The following SLC30A9 variants were observed in gnomAD, a reference collection of about 807,000 sequenced individuals.
The protein encoded by SLC30A9 is proton-coupled zinc antiporter SLC30A9, mitochondrial.
A neutral mutation model predicts 87.5 loss-of-function variants in SLC30A9; 58 were observed. That is an observed-to-expected ratio of 0.66 (90% confidence interval 0.54 to 0.82). The LOEUF (loss-of-function observed/expected upper bound fraction) is 0.82, where lower values mean the gene tolerates loss of function less well. Among genes scored for constraint, SLC30A9 ranks in the 40% least tolerant of loss-of-function variants. SLC30A9 has a pLI of 0.00. For missense variants in SLC30A9, 557 were observed against 679.1 expected (o/e 0.82, Z 2.00); for synonymous variants, 234 against 233.0 (o/e 1.00, Z -0.04).
In SLC30A9 at chr4:42,026,265, T is replaced by C. The variant is rs115713622; in HGVS notation, c.610+2881T>C. 6.3e-3 allele frequency among the ~76,000 whole-genome samples: 961 copies of C among 152,326 alleles called. 4 individuals are homozygous for C. Among genetic ancestry groups the C allele is most frequent in the African/African-American group, 0.012 (517 of 41,570 alleles). On this transcript the variant is annotated intron_variant, in intron 6 of 17. Transcript: ENST00000264451. Reference sequence around the variant, plus strand: ...TGTACTATTCAGTTAATGGTTTCCATTGAGTTTCTTTATAGGTAATACAGG... The same window carrying C: ...TGTACTATTCAGTTAATGGTTTCCACTGAGTTTCTTTATAGGTAATACAGG...
At chr4:42,073,619 A>G (rs1718405012) in intron 15 of SLC30A9, among the ~76,000 whole-genome samples, 1 of 152,180 alleles carries the variant, frequency 6.6e-6, no homozygotes, top group African/African-American at 2.4e-5. Context: ...GACTGGGATT[A>G]TAGTCATCTC....
At chr4:42,002,784 T>C (rs891189001) in intron 2 of SLC30A9, among the ~76,000 whole-genome samples, 2 of 152,094 alleles carry the variant, frequency 1.3e-5, no homozygotes, top group African/African-American at 2.4e-5. Flanking sequence ...CTTTTTGATA[T>C]ACACTCCCTG....
intron 6 of SLC30A9, among the ~76,000 whole-genome samples, chr4:42,023,783 C>A (rs1472702567): frequency 2.0e-5 from 3 of 152,172 alleles, no homozygotes; most frequent in Non-Finnish European, 4.4e-5. Flanking sequence ...TTAACTGACT[C>A]ACAGTTCCGC....
At chr4:42,004,398 C>T (rs1402829327) in intron 2 of SLC30A9, among the ~76,000 whole-genome samples, 1 of 152,090 alleles carries the variant, frequency 6.6e-6, no homozygotes, top group Non-Finnish European at 1.5e-5. Flanking sequence ...CTTATTATCC[C>T]TTCATATATT....
chr4:42,014,312 G>A (rs1215067433), intron 2 of SLC30A9, among the ~76,000 whole-genome samples: 1 of 152,136 alleles, frequency 6.6e-6, no homozygotes, highest in Non-Finnish European at 1.5e-5. Flanking sequence ...CTACTATGAA[G>A]AACAATTTGG....
intron 9 of SLC30A9, among the ~76,000 whole-genome samples, chr4:42,052,334 T>G (rs919278075): frequency 1.3e-5 from 2 of 152,216 alleles, no homozygotes; most frequent in African/African-American, 2.4e-5. Context: ...CAAATCTCCC[T>G]AAATTGATTT....
At chr4:42,058,704 GAA>G (rs1313345212) in intron 9 of SLC30A9, among the ~76,000 whole-genome samples, 3 of 152,212 alleles carry the variant, frequency 2.0e-5, no homozygotes, top group African/African-American at 7.2e-5. Flanking sequence ...CAACACAAGA[GAA>G]GAGAGCTTGT....
rs138370753 is a variant in SLC30A9 at position 42,077,353 on chromosome 4, T to C, written c.1549-859T>C. Among the ~76,000 whole-genome samples the C allele has an allele frequency of 3.2e-3, 490 of 152,334 alleles. 1 individual carries two copies. Among genetic ancestry groups the C allele is most frequent in the African/African-American group, 0.011 (469 of 41,576 alleles). On this transcript the variant is annotated intron_variant, in intron 16 of 17. Coordinates refer to ENST00000264451, the MANE Select transcript of SLC30A9 (RefSeq NM_006345.4). ...ACATTGCTCCCTGATTTTTCATGTTTTAAGTTCATTTGCATTACACTTATA... is the reference window on the plus strand; with the variant it reads ...ACATTGCTCCCTGATTTTTCATGTTCTAAGTTCATTTGCATTACACTTATA...
At chr4:42,029,863 A>C in intron 6 of SLC30A9, 1 of 713,574 alleles carries the variant, frequency 1.4e-6, no homozygotes, top group Non-Finnish European at 2.6e-6. Flanking sequence ...ACTGGCTAGC[A>C]AGATGAAGAT....
At position 42,001,682 on chromosome 4, in the gene SLC30A9, G is replaced by A; in HGVS notation, c.176G>A (p.Gly59Asp). 1 of 1,608,270 alleles carries A rather than the reference G, an allele frequency of 6.2e-7. No homozygotes were observed. The highest frequency in any genetic ancestry group is 8.5e-7 in the Non-Finnish European group (1 of 1,175,208). The change falls in exon 2 of 18, where the codon GGT becomes GAT. Residue 59 changes from glycine to aspartate, a missense_variant. Transcript: ENST00000264451. Reference sequence around the variant, plus strand: ...GTTCCCTGTAGTCATCCATATATTGGTACCCTGAGTCAAGTAAAGTTGTAC... The same window carrying A: ...GTTCCCTGTAGTCATCCATATATTGATACCCTGAGTCAAGTAAAGTTGTAC... ...NMVPCSHPYI[G>D]TLSQVKLYST...
At chr4:42,072,306 C>T (rs982558206) in intron 15 of SLC30A9, among the ~76,000 whole-genome samples, 11 of 151,678 alleles carry the variant, frequency 7.3e-5, no homozygotes, top group Non-Finnish European at 1.3e-4. Flanking sequence ...TTTCCTTCTG[C>T]GTGCTTTCAG....
At chr4:42,059,316 G>A (rs1379856517) in intron 9 of SLC30A9, among the ~76,000 whole-genome samples, 1 of 152,158 alleles carries the variant, frequency 6.6e-6, no homozygotes, top group South Asian at 2.1e-4. Context: ...GTCTTATGAT[G>A]TGATTTCTAG....
chr4:42,045,078 T>G (rs186040504), intron 8 of SLC30A9, among the ~76,000 whole-genome samples: 53 of 152,224 alleles, frequency 3.5e-4, no homozygotes, highest in Middle Eastern at 6.8e-3. Flanking sequence ...AGAGGGAAAT[T>G]TATAGCACTA....
At position 42,090,148 on chromosome 4, in the gene SLC30A9, T is replaced by C. The variant is rs1178106420; in HGVS notation, c.*4022T>C. Reference sequence around the variant, plus strand: ...TTCTTTTAAATGTGATGAACCCCAATTTGCCAAACTGTCAGAAGTCAGTGA... The same window carrying C: ...TTCTTTTAAATGTGATGAACCCCAACTTGCCAAACTGTCAGAAGTCAGTGA... On this transcript the variant is annotated 3_prime_UTR_variant, in exon 18 of 18. Coordinates refer to ENST00000264451, the MANE Select transcript of SLC30A9 (RefSeq NM_006345.4). 1 of 152,204 alleles carries C rather than the reference T, an allele frequency of 6.6e-6. No homozygotes were observed. The highest frequency in any genetic ancestry group is 1.5e-5 in the Non-Finnish European group (1 of 68,022). The allele number at this position is 152,204 out of a possible 1,614,324, so 9.4% of individuals were successfully genotyped here. A position where few individuals can be genotyped will look rare whatever the true frequency, so the allele number is the denominator to read the frequency against.
intron 8 of SLC30A9, among the ~76,000 whole-genome samples, chr4:42,041,366 C>T (rs1304597305): frequency 6.6e-6 from 1 of 152,034 alleles, no homozygotes; most frequent in African/African-American, 2.4e-5. Flanking sequence ...CTCACTGCAA[C>T]CTCCGCCTCC....
intron 1 of SLC30A9, among the ~76,000 whole-genome samples, chr4:41,997,920 C>T (rs1714790729): frequency 6.6e-6 from 1 of 152,214 alleles, no homozygotes; most frequent in Non-Finnish European, 1.5e-5. Context: ...AGGCTGCAAG[C>T]TTGACTCTGG....
At chr4:42,028,313 G>A (rs1716275062) in intron 6 of SLC30A9, among the ~76,000 whole-genome samples, 1 of 152,120 alleles carries the variant, frequency 6.6e-6, no homozygotes, top group Non-Finnish European at 1.5e-5. Context: ...TAGAGATGGG[G>A]TTTCACCATG....
intron 9 of SLC30A9, among the ~76,000 whole-genome samples, chr4:42,058,955 T>C (rs917053241): frequency 6.6e-6 from 1 of 152,204 alleles, no homozygotes; most frequent in Non-Finnish European, 1.5e-5. Flanking sequence ...TGAAAAATCA[T>C]GTATATTTTA....
intron 2 of SLC30A9, 54 bp downstream of exon 2, chr4:42,001,834 A>G (rs1714999110): frequency 3.9e-6 from 5 of 1,283,190 alleles, no homozygotes; most frequent in Non-Finnish European, 5.4e-6. Context: ...TAGTTTGTGT[A>G]AAATTATTTG....
Sources: gnomAD v4.1 joint callset for allele counts (sites outside exome capture counted in the v4.1 genomes callset) on GRCh38, gnomAD v4.1.1 for gene constraint, MANE v1.5 for transcripts, NCBI Gene and HGNC (gene_info 2026-07-23, HGNC 2026-07-21) for gene names.